Variants in LRP1 observed in about 807,000 individuals in gnomAD.
The protein encoded by LRP1 is prolow-density lipoprotein receptor-related protein 1.
A neutral mutation model predicts 541.5 loss-of-function variants in LRP1; 51 were observed. The observed-to-expected ratio is 0.09, with a 90% confidence interval of 0.08 to 0.12. The LOEUF (loss-of-function observed/expected upper bound fraction) is 0.12, where lower values mean the gene tolerates loss of function less well. LRP1 is among the 10% of genes least tolerant of loss of function. LRP1 has a pLI of 1.00. For missense variants in LRP1, 3,878 were observed against 6,376.2 expected (o/e 0.61, Z 13.34); for synonymous variants, 2,219 against 2,470.8 (o/e 0.90, Z 3.02).
Position 57,138,528 on chromosome 12 carries a change from G to A in LRP1, c.137G>A (p.Arg46Gln), listed in dbSNP as rs146149784. The stretch of plus-strand genomic sequence containing the variant: ...ATAACCTGTATCTCAAAGGGCTGGC[G>A]GTGCGACGGTGAGAGGGACTGCCCA... ...DQITCISKGW[R>Q]CDGERDCPDG... Residue 46 changes from arginine (R) to glutamine (Q), a missense_variant, in exon 2 of 89, where the codon CGG (arginine) becomes CAG (glutamine). Coordinates refer to ENST00000243077, the MANE Select transcript of LRP1 (RefSeq NM_002332.3). The A allele has an allele frequency of 5.1e-5, 82 of 1,613,944 alleles. No individual in the cohort carries two copies. Among genetic ancestry groups the A allele is most frequent in the African/African-American group, 1.9e-4 (14 of 74,900 alleles).
At position 57,205,876 on chromosome 12, in the gene LRP1, CTGGGGTG is replaced by C. The variant is rs1361876363; in HGVS notation, c.11590+203_11590+209del. On this transcript the variant is annotated intron_variant, in intron 75 of 88. Coordinates refer to ENST00000243077, the MANE Select transcript of LRP1 (RefSeq NM_002332.3). The surrounding 1 kb of genome is among the most constrained non-coding windows in gnomAD (Gnocchi z 4.6). ...CCTGGGGCTGGCTGACTGAAGGAGTCTGGGGTGTGGCAGTGCTCTGAATTGCACACAC... is the reference window on the plus strand; with the variant it reads ...CCTGGGGCTGGCTGACTGAAGGAGTCTGGCAGTGCTCTGAATTGCACACAC... 3 of 745,084 alleles carry C rather than the reference CTGGGGTG, an allele frequency of 4.0e-6. No homozygotes were observed. Among genetic ancestry groups the C allele is most frequent in the Admixed American group, 5.8e-5 (2 of 34,470 alleles). 46.2% of individuals were successfully genotyped at this position (745,084 alleles called of 1,614,324 possible). A position where few individuals can be genotyped will look rare whatever the true frequency, so the allele number is the denominator to read the frequency against.
intron 62 of LRP1, 40 bp from the exon 63 acceptor site, chr12:57,200,402 A>AC: frequency 1.1e-6 from 1 of 876,536 alleles, no homozygotes; most frequent in Non-Finnish European, 1.9e-6. Context: ...TGAGTCCCCC[A>AC]GACCCCCACC....
Position 57,212,821 on chromosome 12 carries a change from T to C in LRP1, c.*266T>C. 1 of 422,058 alleles carries C rather than the reference T, an allele frequency of 2.4e-6. No individual in the cohort carries two copies. The highest frequency in any genetic ancestry group is 4.2e-6 in the Non-Finnish European group (1 of 235,686). The allele number at this position is 422,058 out of a possible 1,614,324, so 26.1% of individuals were successfully genotyped here. ...GGGCTTGGGGCTGCACCTCCTACCC[T>C]CCCACCAGAACGCACCCCACTGGGA... is the stretch of plus-strand genomic sequence containing the variant. On this transcript the variant is annotated 3_prime_UTR_variant, in exon 89 of 89. Coordinates refer to ENST00000243077, the MANE Select transcript of LRP1 (RefSeq NM_002332.3). The surrounding 1 kb of genome is among the most constrained non-coding windows in gnomAD (Gnocchi z 5.0).
At position 57,205,122 on chromosome 12, in the gene LRP1, C is replaced by T. The variant is rs779661024; in HGVS notation, c.11208C>T (p.Ala3736=). 23 of 1,613,602 alleles carry T rather than the reference C, an allele frequency of 1.4e-5. No individual in the cohort carries two copies. Among genetic ancestry groups the T allele is most frequent in the Non-Finnish European group, 1.9e-5 (23 of 1,179,886 alleles). Reference sequence around the variant, plus strand: ...TGCCCTCCTCAGAGCCCCCCACAGCCCACACCACCCACTGCAAAGACAAGA... The same window carrying T: ...TGCCCTCCTCAGAGCCCCCCACAGCTCACACCACCCACTGCAAAGACAAGA... ...TDEEDCEPPT[A]HTTHCKDKKE... is the part of the protein sequence containing the mutation. The change falls in exon 73 of 89, where the codon GCC becomes GCT. Residue 3736 remains alanine, a synonymous_variant. Coordinates refer to ENST00000243077, the MANE Select transcript of LRP1 (RefSeq NM_002332.3). This position sits in a 1 kb window ranked among gnomAD's most constrained non-coding sequence, Gnocchi z 4.6.
intron 1 of LRP1, among the ~76,000 whole-genome samples, chr12:57,130,144 A>G (rs144384976): frequency 1.4e-4 from 21 of 152,146 alleles, no homozygotes; most frequent in African/African-American, 4.6e-4. Flanking sequence ...GGGCTGGGCT[A>G]GGTCCCTGAT....
rs766245077 is a variant in LRP1 at position 57,165,865 on chromosome 12, G to A, written c.2591G>A (p.Ser864Asn). ...CQPGEFACAN[S>N]RCIQERWKCD... ...CCAGGCGAGTTTGCCTGTGCCAACA[G>A]CCGCTGCATCCAGGAGCGCTGGAAG... Residue 864 changes from serine (S) to asparagine (N), a missense_variant, in exon 16 of 89, where the codon AGC (serine) becomes AAC (asparagine). By Grantham distance (46) the Ser-to-Asn change is conservative. Coordinates refer to ENST00000243077, the MANE Select transcript of LRP1 (RefSeq NM_002332.3). The surrounding 1 kb of genome is among the most constrained non-coding windows in gnomAD (Gnocchi z 4.5). 4.3e-6 allele frequency: 7 copies of A among 1,614,238 alleles called. No homozygotes were observed. In the South Asian group the frequency reaches 5.5e-5, roughly 13 times the overall value.
chr12:57,181,912 C>G (rs2036173447), intron 34 of LRP1, among the ~76,000 whole-genome samples: 1 of 152,158 alleles, frequency 6.6e-6, no homozygotes, highest in South Asian at 2.1e-4. Context: ...ACAGCATTTC[C>G]CAAAAGTGCA....
At chr12:57,213,341 AAAAAAAAAAAAAAAAAAAAAGGCC>A (rs2036960641) in exon 89 of LRP1, 1 of 754 alleles carries the variant, frequency 1.3e-3, no homozygotes, top group Non-Finnish European at 4.7e-3. Flanking sequence ...ATAAAATTGT[AAAAAAAAAAAAAAAAAAAAAGGCC>A]AAAAAAAAAA....
At chr12:57,202,665 C>T (rs970227607) in intron 68 of LRP1, 128 bp downstream of exon 68, 3 of 673,264 alleles carry the variant, frequency 4.5e-6, no homozygotes, top group Non-Finnish European at 5.3e-6. Flanking sequence ...AGCCGCCCTC[C>T]TCACCCATCC....
intron 45 of LRP1, 69 bp from the exon 46 acceptor site, chr12:57,193,107 G>A (rs541490926): frequency 1.3e-4 from 203 of 1,596,194 alleles, no homozygotes; most frequent in East Asian, 8.4e-4. Flanking sequence ...TCAGCTCCCC[G>A]GGGGAGGAGG....
Position 57,178,693 on chromosome 12 carries a change from G to C in LRP1, c.4606+90G>C. 1 of 1,579,808 alleles carries C rather than the reference G, an allele frequency of 6.3e-7. No homozygotes were observed. The highest frequency in any genetic ancestry group is 8.6e-7 in the Non-Finnish European group (1 of 1,160,526). ...CTCTTAGGAGAGGAGAGGGCAGTGA[G>C]AACAGGAGCAAGTCTGTGCTGGGAT... On this transcript the variant is annotated intron_variant, in intron 27 of 88. Coordinates refer to ENST00000243077, the MANE Select transcript of LRP1 (RefSeq NM_002332.3). This position sits in a 1 kb window ranked among gnomAD's most constrained non-coding sequence, Gnocchi z 5.8.
In LRP1 at chr12:57,177,731, G is replaced by A. The variant is rs1298504483; in HGVS notation, c.4361+140G>A. ...GGTGGCAAAGGACTGGGCACAGGAG[G>A]AGGAGGACGGAGGGGCGTGGGGAGG... On this transcript the variant is annotated intron_variant, in intron 26 of 88. Transcript: ENST00000243077. This position sits in a 1 kb window ranked among gnomAD's most constrained non-coding sequence, Gnocchi z 6.8. 3.9e-6 allele frequency: 4 copies of A among 1,019,042 alleles called. No homozygotes were observed. The highest frequency in any genetic ancestry group is 5.7e-6 in the Non-Finnish European group (4 of 703,026). 63.1% of individuals were successfully genotyped at this position (1,019,042 alleles called of 1,614,324 possible).
chr12:57,158,579 G>A lies in LRP1; in HGVS notation c.1739G>A (p.Ser580Asn). 1 of 1,614,170 alleles carries A rather than the reference G, an allele frequency of 6.2e-7. No individual in the cohort carries two copies. Among genetic ancestry groups the A allele is most frequent in the South Asian group, 1.1e-5 (1 of 91,080 alleles). Reference protein sequence around the residue: ...TGFIYFADTTSYLIGRQKIDG... With the variant: ...TGFIYFADTTNYLIGRQKIDG... ...TTCATCTACTTTGCCGACACCACCA[G>A]CTACCTCATTGGCCGCCAGAAGATT... The change falls in exon 11 of 89, where the codon AGC (serine) becomes AAC (asparagine). Residue 580 changes from serine to asparagine, a missense_variant. This residue lies in a region of LRP1 where 496 missense variants were observed against 861.0 expected (regional missense o/e 0.58). Transcript: ENST00000243077. This position sits in a 1 kb window ranked among gnomAD's most constrained non-coding sequence, Gnocchi z 5.3.
At chr12:57,160,813 A>G in intron 12 of LRP1, 80 bp from the exon 13 acceptor site, 1 of 1,054,002 alleles carries the variant, frequency 9.5e-7, no homozygotes, top group Non-Finnish European at 1.5e-6. Flanking sequence ...GCTCTGGGAC[A>G]GCACTCATGG....
At chr12:57,188,308 C>T (rs1267673068) in intron 42 of LRP1, among the ~76,000 whole-genome samples, 2 of 152,184 alleles carry the variant, frequency 1.3e-5, no homozygotes, top group Admixed American at 6.5e-5. Flanking sequence ...ATTTTTTTCC[C>T]AATTCAGCAG....
chr12:57,133,082 G>C (rs909897932), intron 1 of LRP1, among the ~76,000 whole-genome samples: 19 of 152,204 alleles, frequency 1.2e-4, no homozygotes. Flanking sequence ...TCAGAAGGAA[G>C]GAGGGAGGTT....
At position 57,173,054 on chromosome 12, in the gene LRP1, C is replaced by T; in HGVS notation, c.3164-114C>T. 1 of 809,122 alleles carries T rather than the reference C, an allele frequency of 1.2e-6. No individual in the cohort carries two copies. The highest frequency in any genetic ancestry group is 1.9e-6 in the Non-Finnish European group (1 of 522,028). The allele number at this position is 809,122 out of a possible 1,614,324, so 50.1% of individuals were successfully genotyped here. ...AGCAAAGCTTGGCAGACTCTCCAGGCCTGCCTCTGCTCATATCCCCAGGCT... is the reference window on the plus strand; with the variant it reads ...AGCAAAGCTTGGCAGACTCTCCAGGTCTGCCTCTGCTCATATCCCCAGGCT... On this transcript the variant is annotated intron_variant, in intron 20 of 88. Coordinates refer to ENST00000243077, the MANE Select transcript of LRP1 (RefSeq NM_002332.3). This position sits in a 1 kb window ranked among gnomAD's most constrained non-coding sequence, Gnocchi z 4.7.
rs965767820 is a variant in LRP1, at chr12:57,128,785, A to G, written c.-180A>G. On this transcript the variant is annotated 5_prime_UTR_variant, in exon 1 of 89. Coordinates refer to ENST00000243077, the MANE Select transcript of LRP1 (RefSeq NM_002332.3). ...CACCCCCGTCAGCAGGCCCTCCCCA[A>G]GGGGCTCGGAACTCTACCTCTTCAC... is the stretch of plus-strand genomic sequence containing the variant. The G allele has an allele frequency of 4.0e-6, 2 of 502,960 alleles. No homozygotes were observed. Among genetic ancestry groups the G allele is most frequent in the Non-Finnish European group, 3.6e-6 (1 of 281,534 alleles). 31.2% of individuals were successfully genotyped at this position (502,960 alleles called of 1,614,324 possible).
chr12:57,137,521 T>A (rs564765432), intron 1 of LRP1, among the ~76,000 whole-genome samples: 1 of 152,022 alleles, frequency 6.6e-6, no homozygotes, highest in Non-Finnish European at 1.5e-5. Context: ...CTCCCTGAGG[T>A]CTAACCAAGG....
Sources: allele counts gnomAD v4.1 joint callset (sites outside exome capture counted in the v4.1 genomes callset), GRCh38; gene constraint gnomAD v4.1.1; regional missense constraint gnomAD v4.1.1; non-coding constraint Gnocchi (gnomAD v3.1); transcripts MANE v1.5; gene names NCBI Gene and HGNC (gene_info 2026-07-23, HGNC 2026-07-21).